The following RBMS1 variants were observed in gnomAD, a reference collection of about 807,000 sequenced individuals.
RBMS1 encodes the protein RNA-binding motif, single-stranded-interacting protein 1.
RBMS1 carries 17 observed loss-of-function variants against 62.3 expected under a neutral mutation model. The ratio of observed to expected loss-of-function variants is 0.27; its 90% CI spans 0.19 to 0.41. RBMS1 has a LOEUF of 0.41. Ranked by LOEUF, RBMS1 falls within the 10% of genes least tolerant of loss-of-function variation. RBMS1 has a pLI of 1.00. For synonymous variants in RBMS1, 172 were observed against 170.0 expected (o/e 1.01, Z -0.09); for missense variants, 334 against 504.5 (o/e 0.66, Z 3.24).
chr2:160,493,758 C>T lies in RBMS1; in HGVS notation c.-395G>A. 2 of 214,268 alleles carry T rather than the reference C, an allele frequency of 9.3e-6. No homozygotes were observed. The highest frequency in any genetic ancestry group is 1.8e-5 in the Non-Finnish European group (2 of 108,872). The allele number at this position is 214,268 out of a possible 1,614,324, so 13.3% of individuals were successfully genotyped here. On this transcript the variant is annotated 5_prime_UTR_variant, in exon 1 of 14. Transcript: ENST00000348849. ...GCGCGGGGCTGAGAGGTGATCAATACAAGTGGAAAGTGCGGCAGCGGCGGC... is the reference window on the plus strand; with the variant it reads ...GCGCGGGGCTGAGAGGTGATCAATATAAGTGGAAAGTGCGGCAGCGGCGGC...
chr2:160,467,795 G>A (rs1317489533), intron 1 of RBMS1, among the ~76,000 whole-genome samples: 1 of 152,078 alleles, frequency 6.6e-6, no homozygotes, highest in Non-Finnish European at 1.5e-5. Context: ...AGACACCAAA[G>A]GGTCACATTT....
chr2:160,346,374 G>C (rs1293111637), intron 2 of RBMS1, among the ~76,000 whole-genome samples: 1 of 152,136 alleles, frequency 6.6e-6, no homozygotes. Context: ...CATTCTTTCA[G>C]AAGAGTGGCC....
intron 1 of RBMS1, among the ~76,000 whole-genome samples, chr2:160,368,802 G>A (rs1329159977): frequency 1.3e-5 from 2 of 152,010 alleles, no homozygotes; most frequent in East Asian, 1.9e-4. Context: ...ACCATGCCTG[G>A]CTAATTTTTG....
chr2:160,491,479 C>T (rs939355595), intron 1 of RBMS1, among the ~76,000 whole-genome samples: 2 of 152,150 alleles, frequency 1.3e-5, no homozygotes, highest in Non-Finnish European at 2.9e-5. Context: ...AGGCTCTTGC[C>T]GTTTGTCTCT....
chr2:160,275,811 G>T, intron 12 of RBMS1, 97 bp from the exon 13 acceptor site: 2 of 1,532,480 alleles, frequency 1.3e-6, no homozygotes, highest in Non-Finnish European at 8.9e-7. Flanking sequence ...CTTAAAAACA[G>T]TTACTCTTTA....
At chr2:160,457,122 A>T (rs950842296) in intron 1 of RBMS1, among the ~76,000 whole-genome samples, 15 of 108,940 alleles carry the variant, frequency 1.4e-4, no homozygotes, top group Admixed American at 1.1e-3. Context: ...TTATTTATTT[A>T]ATTAATTTAT....
At chr2:160,285,188 G>T (rs1688312871) in intron 7 of RBMS1, 144 bp from the exon 8 acceptor site, 1 of 731,034 alleles carries the variant, frequency 1.4e-6, no homozygotes, top group African/African-American at 1.8e-5. Context: ...AAGCCCAGGA[G>T]TTCGAGGCTG....
chr2:160,462,032 A>AGC (rs200300328), intron 1 of RBMS1, among the ~76,000 whole-genome samples: 1 of 152,202 alleles, frequency 6.6e-6, no homozygotes, highest in African/African-American at 2.4e-5. Context: ...AGCCCTGAAC[A>AGC]ACAGACAGCA....
intron 2 of RBMS1, among the ~76,000 whole-genome samples, chr2:160,323,842 T>C (rs1321059052): frequency 6.6e-6 from 1 of 152,190 alleles, no homozygotes; most frequent in African/African-American, 2.4e-5. Context: ...TAAAAGCTCA[T>C]GTTCAAACCT....
chr2:160,371,744 C>A (rs1029612420), intron 1 of RBMS1, among the ~76,000 whole-genome samples: 2 of 152,088 alleles, frequency 1.3e-5, no homozygotes, highest in Non-Finnish European at 2.9e-5. Context: ...TCAGAGAGCA[C>A]GTCCTGTGTG....
At chr2:160,489,915 C>T (rs1351248613) in intron 1 of RBMS1, among the ~76,000 whole-genome samples, 2 of 152,004 alleles carry the variant, frequency 1.3e-5, no homozygotes, top group Non-Finnish European at 2.9e-5. Context: ...TTTGTACTTC[C>T]CTTTCTTCAA....
intron 1 of RBMS1, among the ~76,000 whole-genome samples, chr2:160,374,461 A>G (rs1190367588): frequency 2.0e-5 from 3 of 152,150 alleles, no homozygotes; most frequent in Non-Finnish European, 4.4e-5. Flanking sequence ...CTAAAAAGGT[A>G]GTAGGAAGAA....
chr2:160,359,894 T>A (rs1693028566), intron 2 of RBMS1, among the ~76,000 whole-genome samples: 1 of 152,192 alleles, frequency 6.6e-6, no homozygotes, highest in Non-Finnish European at 1.5e-5. Flanking sequence ...ATATAACCAT[T>A]TCAAGTTGTC....
chr2:160,461,280 A>AG (rs1489198637), intron 1 of RBMS1, among the ~76,000 whole-genome samples: 1 of 147,050 alleles, frequency 6.8e-6, no homozygotes, highest in African/African-American at 2.5e-5. Flanking sequence ...AGAGGGAGAG[A>AG]AAGAAAGAGA....
intron 4 of RBMS1, among the ~76,000 whole-genome samples, chr2:160,311,228 C>CTCTCTCTCTCTCTCTCTCTCTCTA (rs1689856905): frequency 1.0e-5 from 1 of 95,920 alleles, no homozygotes; most frequent in African/African-American, 3.6e-5. Flanking sequence ...ATCTATCTAT[C>CTCTCTCTCTCTCTCTCTCTCTCTA]TATCTATATA....
intron 2 of RBMS1, among the ~76,000 whole-genome samples, chr2:160,321,665 T>A (rs950789619): frequency 6.6e-6 from 1 of 152,088 alleles, no homozygotes; most frequent in Non-Finnish European, 1.5e-5. Context: ...GCTTTCCCTG[T>A]CTCTCTCCAT....
intron 4 of RBMS1, among the ~76,000 whole-genome samples, chr2:160,307,610 A>C (rs537028108): frequency 6.6e-6 from 1 of 152,350 alleles, no homozygotes; most frequent in Admixed American, 6.5e-5. Flanking sequence ...AGTTTAACAT[A>C]AACAGGTTTT....
At chr2:160,384,959 C>T (rs530361599) in intron 1 of RBMS1, among the ~76,000 whole-genome samples, 4 of 152,116 alleles carry the variant, frequency 2.6e-5, no homozygotes, top group South Asian at 2.1e-4. Flanking sequence ...CTCTGAGATC[C>T]GGTTGTTTAA....
chr2:160,302,348 C>T (rs753768358), intron 5 of RBMS1, among the ~76,000 whole-genome samples: 2 of 151,894 alleles, frequency 1.3e-5, no homozygotes, highest in African/African-American at 2.4e-5. Flanking sequence ...GCATGTGCCA[C>T]CATGCCTGGC....
Sources: allele counts gnomAD v4.1 joint callset (sites outside exome capture counted in the v4.1 genomes callset), GRCh38; gene constraint gnomAD v4.1.1; transcripts MANE v1.5; gene names NCBI Gene and HGNC (gene_info 2026-07-23, HGNC 2026-07-21).